Variants in SLIT3 observed in about 807,000 individuals in gnomAD.
SLIT3 encodes the protein slit homolog 3 protein.
SLIT3 carries 68 observed loss-of-function variants against 184.0 expected under a neutral mutation model. The ratio of observed to expected loss-of-function variants is 0.37; its 90% CI spans 0.30 to 0.45. The LOEUF (loss-of-function observed/expected upper bound fraction) is 0.45, where lower values mean the gene tolerates loss of function less well. SLIT3 is among the 20% of genes least tolerant of loss of function. SLIT3 has a pLI of 1.00. For missense variants in SLIT3, 1,707 were observed against 2,026.0 expected (o/e 0.84, Z 3.02); for synonymous variants, 831 against 828.6 (o/e 1.00, Z -0.05).
intron 5 of SLIT3, among the ~76,000 whole-genome samples, chr5:168,846,745 G>A (rs1561965121): frequency 6.6e-6 from 1 of 152,190 alleles, no homozygotes; most frequent in South Asian, 2.1e-4. Context: ...ATTTCATAAA[G>A]GTCCTTGCTA....
At chr5:168,927,365 G>A (rs1207896642) in intron 4 of SLIT3, among the ~76,000 whole-genome samples, 1 of 152,164 alleles carries the variant, frequency 6.6e-6, no homozygotes, top group Non-Finnish European at 1.5e-5. Flanking sequence ...TTGGGGGTAG[G>A]AGGGGATAGG....
intron 4 of SLIT3, among the ~76,000 whole-genome samples, chr5:168,924,133 C>G (rs1213477552): frequency 2.6e-5 from 4 of 152,238 alleles, no homozygotes; most frequent in Non-Finnish European, 5.9e-5. Context: ...CTTCTCCAGT[C>G]TCTCTTCACA....
At chr5:169,147,463 G>A (rs1761964320) in intron 4 of SLIT3, among the ~76,000 whole-genome samples, 1 of 152,116 alleles carries the variant, frequency 6.6e-6, no homozygotes, top group Non-Finnish European at 1.5e-5. Flanking sequence ...GTTTGATCGT[G>A]TTAGCCAGGA....
intron 4 of SLIT3, among the ~76,000 whole-genome samples, chr5:169,159,421 C>T (rs545878337): frequency 9.2e-5 from 14 of 151,578 alleles, no homozygotes; most frequent in African/African-American, 3.4e-4. Flanking sequence ...AGCGAAACTC[C>T]ATCTCAAAAA....
intron 6 of SLIT3, among the ~76,000 whole-genome samples, chr5:168,827,708 A>G (rs969312990): frequency 5.3e-5 from 8 of 152,212 alleles, no homozygotes; most frequent in Non-Finnish European, 1.0e-4. Context: ...TTGGGGGCCT[A>G]TTAGCTCAAT....
At chr5:169,265,785 T>C (rs1444369751) in intron 1 of SLIT3, among the ~76,000 whole-genome samples, 3 of 152,164 alleles carry the variant, frequency 2.0e-5, no homozygotes, top group Admixed American at 6.5e-5. Context: ...TAACCATCAA[T>C]TGGCTGATTA....
At position 169,230,080 on chromosome 5, in the gene SLIT3, T is replaced by C. The variant is rs113746639; in HGVS notation, c.341+14625A>G. 3.5e-3 allele frequency among the ~76,000 whole-genome samples: 528 copies of C among 152,328 alleles called. 2 individuals are homozygous for C. Among genetic ancestry groups the C allele is most frequent in the Non-Finnish European group, 6.6e-3 (446 of 68,022 alleles). Reference sequence around the variant, plus strand: ...AATCAATGGTACTTCTCAGTATACATGGCCCTACATGTCTTGTTTCTAGGA... The same window carrying C: ...AATCAATGGTACTTCTCAGTATACACGGCCCTACATGTCTTGTTTCTAGGA... On this transcript the variant is annotated intron_variant, in intron 3 of 35. Transcript: ENST00000519560.
chr5:169,048,393 T>G (rs1270777607), intron 4 of SLIT3, among the ~76,000 whole-genome samples: 4 of 152,218 alleles, frequency 2.6e-5, no homozygotes, highest in African/African-American at 9.6e-5. Flanking sequence ...TGTTTCTTAT[T>G]ACCATTTTTA....
rs1760950588 is a variant in SLIT3 at position 168,903,791 on chromosome 5, C to G, written c.414-20455G>C. Among the ~76,000 whole-genome samples the G allele has an allele frequency of 2.8e-5, 4 of 140,402 alleles. No homozygotes were observed. In the Admixed American group the frequency reaches 2.9e-4, roughly 10 times the overall value. The allele number at this position is 140,402 out of a possible 152,430, so 92.1% of individuals were successfully genotyped here. ...AAAGATCAGAGAATCATGGCGGTCC[C>G]TCCCAGCACCTCGTTCACTGGTTTG... On this transcript the variant is annotated intron_variant, in intron 4 of 35. Coordinates refer to ENST00000519560, the MANE Select transcript of SLIT3 (RefSeq NM_003062.4).
chr5:169,300,700 C>T lies in SLIT3; in HGVS notation c.10G>A (p.Gly4Arg), dbSNP rs1232560821. ...ACGGCGGCGCCGACCCCTGCCCACC[C>T]GGGGGCCATGGTGTGCAGGGCCCCG... The part of the protein sequence containing the change: MAP[G>R]WAGVGAAVRA... Residue 4 changes from glycine (G) to arginine (R), a missense_variant, in exon 1 of 36, where the codon GGG becomes AGG. By Grantham distance (125) the Gly-to-Arg change is moderately radical. Coordinates refer to ENST00000519560, the MANE Select transcript of SLIT3 (RefSeq NM_003062.4). This position sits in a 1 kb window ranked among gnomAD's most constrained non-coding sequence, Gnocchi z 4.1. 1.5e-6 allele frequency: 2 copies of T among 1,367,556 alleles called. No homozygotes were observed. The highest frequency in any genetic ancestry group is 3.1e-5 in the African/African-American group (2 of 65,320). 84.7% of individuals were successfully genotyped at this position (1,367,556 alleles called of 1,614,324 possible). A position where few individuals can be genotyped will look rare whatever the true frequency, so the allele number is the denominator to read the frequency against.
chr5:169,268,557 C>G (rs992575856), intron 1 of SLIT3, among the ~76,000 whole-genome samples: 1 of 152,176 alleles, frequency 6.6e-6, no homozygotes, highest in Admixed American at 6.5e-5. Flanking sequence ...CTGGGCATCA[C>G]CCACAGAGCA....
At chr5:169,239,089 T>C (rs1364119261) in intron 3 of SLIT3, among the ~76,000 whole-genome samples, 2 of 152,174 alleles carry the variant, frequency 1.3e-5, no homozygotes, top group Non-Finnish European at 2.9e-5. Flanking sequence ...ATTGTAGATG[T>C]TGTGTATGTC....
At chr5:169,200,784 A>G (rs770578746) in intron 3 of SLIT3, among the ~76,000 whole-genome samples, 4 of 152,196 alleles carry the variant, frequency 2.6e-5, no homozygotes, top group Non-Finnish European at 5.9e-5. Flanking sequence ...CCTGTCTAAC[A>G]GCCAATTCAG....
intron 4 of SLIT3, among the ~76,000 whole-genome samples, chr5:169,019,407 C>A (rs1284518741): frequency 6.6e-6 from 1 of 152,214 alleles, no homozygotes; most frequent in East Asian, 1.9e-4. Flanking sequence ...CAAGTTAATT[C>A]ATTAAAAGAA....
At position 169,182,165 on chromosome 5, in the gene SLIT3, G is replaced by A. The variant is rs942180489; in HGVS notation, c.413+11314C>T. 7.2e-5 allele frequency among the ~76,000 whole-genome samples: 11 copies of A among 152,150 alleles called. 1 individual carries two copies. In the East Asian group the frequency reaches 1.5e-3, roughly 21 times the overall value. ...AAGCAGGCTTCATCACCATAAGTAG[G>A]GTGAGGAGAATTAGAAAAGGAACGA... On this transcript the variant is annotated intron_variant, in intron 4 of 35. Transcript: ENST00000519560.
intron 5 of SLIT3, among the ~76,000 whole-genome samples, chr5:168,878,583 T>C (rs1320036219): frequency 2.6e-5 from 4 of 152,172 alleles, no homozygotes; most frequent in African/African-American, 7.2e-5. Flanking sequence ...CAAAAGATGG[T>C]TGGGTGTGTT....
intron 4 of SLIT3, among the ~76,000 whole-genome samples, chr5:168,941,445 A>T (rs1762330654): frequency 6.6e-6 from 1 of 152,192 alleles, no homozygotes; most frequent in Admixed American, 6.5e-5. Context: ...ATGAAATGGG[A>T]CATTCTTTGT....
chr5:168,678,691 A>C (rs1458206267), intron 32 of SLIT3, among the ~76,000 whole-genome samples: 1 of 152,062 alleles, frequency 6.6e-6, no homozygotes. Context: ...TCAAAAAAAC[A>C]AACAAACAAA....
chr5:168,929,645 C>T (rs1250680694), intron 4 of SLIT3, among the ~76,000 whole-genome samples: 3 of 152,230 alleles, frequency 2.0e-5, no homozygotes, highest in Non-Finnish European at 4.4e-5. Context: ...GGAGGGATAG[C>T]TGTCTCTGTT....
Sources: allele counts gnomAD v4.1 joint callset (sites outside exome capture counted in the v4.1 genomes callset), GRCh38; gene constraint gnomAD v4.1.1; non-coding constraint Gnocchi (gnomAD v3.1); transcripts MANE v1.5; gene names NCBI Gene and HGNC (gene_info 2026-07-23, HGNC 2026-07-21).